MYCBP2: variants seen among roughly 807,000 people sequenced by gnomAD.
The protein encoded by MYCBP2 is MYC binding protein 2.
Under a neutral mutation model 525.3 loss-of-function variants are expected in MYCBP2, and 120 were observed. The observed-to-expected ratio is 0.23, with a 90% CI of 0.20 to 0.27. The LOEUF (loss-of-function observed/expected upper bound fraction) is 0.27, where lower values mean the gene tolerates loss of function less well. Ranked by LOEUF, MYCBP2 falls within the 10% of genes least tolerant of loss-of-function variation. The pLI is 1.00. For missense variants in MYCBP2, 4,149 were observed against 5,657.1 expected, an observed-to-expected ratio of 0.73 and a Z score of 8.55; for synonymous variants, 1,894 against 1,955.8, an observed-to-expected ratio of 0.97 and a Z score of 0.83.
At chr13:77,225,388 A>G in intron 19 of MYCBP2, 47 bp downstream of exon 19, 2 of 1,610,190 alleles carry the variant, frequency 1.2e-6, no homozygotes, top group Non-Finnish European at 1.7e-6. Context: ...TAAGTTACTG[A>G]GCACAATTGT....
chr13:77,064,794 CTT>C, intron 72 of MYCBP2, 60 bp from the exon 73 acceptor site: 1 of 1,431,218 alleles, frequency 7.0e-7, no homozygotes, highest in East Asian at 2.5e-5. Flanking sequence ...ATAGTAAACT[CTT>C]TTTTCTTAAA....
intron 20 of MYCBP2, among the ~76,000 whole-genome samples, chr13:77,218,206 C>T (rs942369711): frequency 2.0e-5 from 3 of 152,136 alleles, no homozygotes; most frequent in African/African-American, 7.2e-5. Context: ...ATTATAGACA[C>T]ATAATAATTT....
chr13:77,208,911 T>C (rs939784199), intron 23 of MYCBP2, among the ~76,000 whole-genome samples: 7 of 152,214 alleles, frequency 4.6e-5, no homozygotes, highest in East Asian at 1.9e-4. Flanking sequence ...TCAGGCAAAG[T>C]TGGCTCCTAA....
intron 26 of MYCBP2, among the ~76,000 whole-genome samples, chr13:77,195,425 C>T (rs910472551): frequency 1.3e-5 from 2 of 152,010 alleles, no homozygotes; most frequent in African/African-American, 2.4e-5. Flanking sequence ...GGTGAAACCC[C>T]GTCTCTACTA....
intron 4 of MYCBP2, among the ~76,000 whole-genome samples, chr13:77,277,241 C>T (rs533000556): frequency 1.7e-4 from 26 of 152,022 alleles, no homozygotes; most frequent in Non-Finnish European, 2.6e-4. Context: ...GAAAACCGAG[C>T]AAAATATTGT....
At chr13:77,239,341 T>C (rs548639396) in intron 17 of MYCBP2, among the ~76,000 whole-genome samples, 16 of 152,242 alleles carry the variant, frequency 1.1e-4, no homozygotes, top group African/African-American at 2.2e-4. Context: ...GCCAAAGAAA[T>C]AAAAGATCTG....
At chr13:77,045,532 TAA>T (rs746262130) in intron 82 of MYCBP2, 39 bp from the exon 83 acceptor site, 203 of 1,309,810 alleles carry the variant, frequency 1.5e-4, no homozygotes, top group Non-Finnish European at 1.8e-4. Flanking sequence ...AATAATGTTT[TAA>T]GAATACACAC....
At chr13:77,070,545 TA>T in intron 69 of MYCBP2, 85 bp downstream of exon 69, 1 of 963,524 alleles carries the variant, frequency 1.0e-6, no homozygotes, top group Non-Finnish European at 1.6e-6. Flanking sequence ...CTTTATACCC[TA>T]ATAACAAACA....
chr13:77,224,543 AAC>A lies in MYCBP2; in HGVS notation c.2858-13_2858-12del. 1 of 1,557,186 alleles carries A rather than the reference AAC, an allele frequency of 6.4e-7. No individual in the cohort carries two copies. The highest frequency in any genetic ancestry group is 1.1e-5 in the South Asian group (1 of 87,320). ...TTTCCATTAAAACCACTGCAACCAA[AAC>A]ACACAGCTTTATTTTTTCATTATAT... On this transcript the variant is annotated splice_polypyrimidine_tract_variant and intron_variant, in intron 19 of 82. Transcript: ENST00000544440.
chr13:77,115,684 G>GAA (rs750284876), intron 55 of MYCBP2, among the ~76,000 whole-genome samples: 6 of 145,766 alleles, frequency 4.1e-5, no homozygotes, highest in Non-Finnish European at 7.6e-5. Flanking sequence ...CTATGATTCG[G>GAA]AAAAAAAAAA....
chr13:77,198,057 G>A (rs186463138), intron 26 of MYCBP2, among the ~76,000 whole-genome samples: 4 of 152,284 alleles, frequency 2.6e-5, no homozygotes, highest in Admixed American at 2.6e-4. Flanking sequence ...ATATCCTCCT[G>A]ATGAGCTTAT....
At chr13:77,108,327 G>T (rs996589885) in intron 55 of MYCBP2, among the ~76,000 whole-genome samples, 2 of 152,166 alleles carry the variant, frequency 1.3e-5, no homozygotes, top group African/African-American at 4.8e-5. Flanking sequence ...TAGGAAAAGC[G>T]TATCATTTCA....
intron 1 of MYCBP2, among the ~76,000 whole-genome samples, chr13:77,311,578 T>C (rs891786347): frequency 2.1e-5 from 3 of 146,224 alleles, no homozygotes; most frequent in African/African-American, 7.9e-5. Context: ...TTTTTTTTTT[T>C]GTTTTTTTTT....
chr13:77,055,433 C>G, intron 80 of MYCBP2, 125 bp downstream of exon 80: 1 of 788,470 alleles, frequency 1.3e-6, no homozygotes, highest in South Asian at 1.9e-5. Flanking sequence ...AACATTGTAC[C>G]AAGCTATCTT....
intron 17 of MYCBP2, among the ~76,000 whole-genome samples, chr13:77,234,499 G>A (rs999395641): frequency 1.3e-5 from 2 of 151,862 alleles, no homozygotes; most frequent in Non-Finnish European, 2.9e-5. Context: ...TTTCAATTAT[G>A]TTTCTAGATA....
At chr13:77,064,000 T>G (rs2154076230) in intron 73 of MYCBP2, among the ~76,000 whole-genome samples, 1 of 152,338 alleles carries the variant, frequency 6.6e-6, no homozygotes, top group African/African-American at 2.4e-5. Flanking sequence ...CTTCCTAACG[T>G]TGTCAGACTG....
chr13:77,293,317 G>C (rs1186934396), intron 2 of MYCBP2, among the ~76,000 whole-genome samples: 1 of 152,172 alleles, frequency 6.6e-6, no homozygotes, highest in Non-Finnish European at 1.5e-5. Flanking sequence ...AAGATAGTCT[G>C]GCTATGGTAT....
At chr13:77,119,910 C>A (rs182886502) in intron 55 of MYCBP2, among the ~76,000 whole-genome samples, 5 of 151,902 alleles carry the variant, frequency 3.3e-5, no homozygotes, top group African/African-American at 1.2e-4. Context: ...TATTTTTGAA[C>A]GATATTCACA....
chr13:77,060,724 T>C (rs1001374536), intron 76 of MYCBP2, among the ~76,000 whole-genome samples: 25 of 152,208 alleles, frequency 1.6e-4, no homozygotes, highest in Admixed American at 2.0e-4. Context: ...TTCAGAAGCA[T>C]TAGGTCTACA....
Sources: allele counts gnomAD v4.1 joint callset (sites outside exome capture counted in the v4.1 genomes callset), GRCh38; gene constraint gnomAD v4.1.1; transcripts MANE v1.5; gene names NCBI Gene and HGNC (gene_info 2026-07-23, HGNC 2026-07-21).